Variants in CACNB2 observed in about 807,000 individuals in gnomAD.
The protein encoded by CACNB2 is calcium voltage-gated channel auxiliary subunit beta 2.
Under a neutral mutation model 73.3 loss-of-function variants are expected in CACNB2, and 42 were observed. That is an observed-to-expected ratio of 0.57 (90% CI 0.45 to 0.74). CACNB2 has a LOEUF of 0.74. Ranked by LOEUF, CACNB2 falls within the 30% of genes least tolerant of loss-of-function variation. CACNB2 has a pLI of 0.00. For synonymous variants in CACNB2, 348 were observed against 310.3 expected (o/e 1.12, Z -1.28); for missense variants, 940 against 853.0 (o/e 1.10, Z -1.27).
rs2053977633 is a variant in CACNB2 at position 18,539,932 on chromosome 10, G to A, written c.*208G>A. On this transcript the variant is annotated 3_prime_UTR_variant, in exon 14 of 14. Transcript: ENST00000324631. ...TGTAAGTGCTACATAAATTGGCCTG[G>A]TATGGCTGCAGTCCTCCGGTTGCAT... The A allele has an allele frequency of 3.4e-6, 2 of 583,088 alleles. No individual in the cohort carries two copies. The highest frequency in any genetic ancestry group is 4.8e-4 in the Middle Eastern group (1 of 2,088). 36.1% of individuals were successfully genotyped at this position (583,088 alleles called of 1,614,324 possible). A position where few individuals can be genotyped will look rare whatever the true frequency, so the allele number is the denominator to read the frequency against.
intron 2 of CACNB2, among the ~76,000 whole-genome samples, chr10:18,308,410 C>T (rs959781921): frequency 8.5e-5 from 13 of 152,152 alleles, no homozygotes; most frequent in Non-Finnish European, 2.9e-5. Flanking sequence ...CCGTCATCCA[C>T]GTAATAAGCA....
intron 2 of CACNB2, among the ~76,000 whole-genome samples, chr10:18,191,838 A>G (rs2034412532): frequency 6.6e-6 from 1 of 152,142 alleles, no homozygotes; most frequent in Non-Finnish European, 1.5e-5. Context: ...GCACTCATTG[A>G]TTCATGGACA....
At position 18,542,670 on chromosome 10, in the gene CACNB2, C is replaced by G. The variant is rs553854349; in HGVS notation, c.*2946C>G. The G allele has an allele frequency of 6.6e-6, 1 of 152,068 alleles. No homozygotes were observed. Among genetic ancestry groups the G allele is most frequent in the Non-Finnish European group, 1.5e-5 (1 of 68,022 alleles). The allele number at this position is 152,068 out of a possible 1,614,324, so 9.4% of individuals were successfully genotyped here. On this transcript the variant is annotated 3_prime_UTR_variant, in exon 14 of 14. Coordinates refer to ENST00000324631, the MANE Select transcript of CACNB2 (RefSeq NM_201596.3). ...CTTGAAGGATTTGACATAAGAGCCG[C>G]TATATGTGAAAAACTGTATAGTGGA...
intron 2 of CACNB2, among the ~76,000 whole-genome samples, chr10:18,183,811 C>T (rs966735553): frequency 5.3e-5 from 8 of 152,068 alleles, no homozygotes; most frequent in Non-Finnish European, 7.4e-5. Context: ...CCTAGGAGGC[C>T]GAGTGGTACA....
intron 2 of CACNB2, among the ~76,000 whole-genome samples, chr10:18,291,932 T>C (rs933808842): frequency 6.6e-6 from 1 of 152,240 alleles, no homozygotes; most frequent in Admixed American, 6.5e-5. Flanking sequence ...AGAAATCCTT[T>C]GGCAAAGTCA....
At chr10:18,333,423 T>G (rs574797727) in intron 2 of CACNB2, among the ~76,000 whole-genome samples, 1 of 148,914 alleles carries the variant, frequency 6.7e-6, no homozygotes, top group Admixed American at 6.7e-5. Context: ...AATAGCTCAG[T>G]TGGAAATTTT....
At chr10:18,168,800 C>T (rs1444940401) in intron 2 of CACNB2, among the ~76,000 whole-genome samples, 1 of 152,100 alleles carries the variant, frequency 6.6e-6, no homozygotes, top group East Asian at 1.9e-4. Flanking sequence ...TTTTGAAAAG[C>T]AAATGTATTA....
intron 9 of CACNB2, among the ~76,000 whole-genome samples, chr10:18,524,565 G>A (rs2052261909): frequency 1.3e-5 from 2 of 150,502 alleles, no homozygotes; most frequent in Admixed American, 1.3e-4. Flanking sequence ...TGAGGCAGGA[G>A]AAGCGCCTGA....
chr10:18,175,180 G>A (rs1320666792), intron 2 of CACNB2, among the ~76,000 whole-genome samples: 1 of 152,066 alleles, frequency 6.6e-6, no homozygotes, highest in African/African-American at 2.4e-5. Context: ...AATTATGTTG[G>A]TTACTGTCAA....
chr10:18,349,003 C>G (rs998918515), intron 2 of CACNB2, among the ~76,000 whole-genome samples: 8 of 152,162 alleles, frequency 5.3e-5, no homozygotes, highest in African/African-American at 1.7e-4. Context: ...TGCCTGTGAT[C>G]CCAGCTCCTT....
chr10:18,383,246 G>C (rs1340523689), intron 2 of CACNB2, among the ~76,000 whole-genome samples: 2 of 152,214 alleles, frequency 1.3e-5, no homozygotes, highest in African/African-American at 2.4e-5. Context: ...ACATTATACA[G>C]GTAAGGAGCA....
chr10:18,265,305 G>C (rs752029066), intron 2 of CACNB2, among the ~76,000 whole-genome samples: 3 of 151,878 alleles, frequency 2.0e-5, no homozygotes, highest in Non-Finnish European at 4.4e-5. Flanking sequence ...GCTAATTTTT[G>C]TATTTTTGGT....
At chr10:18,243,375 G>T (rs1371872551) in intron 2 of CACNB2, among the ~76,000 whole-genome samples, 1 of 152,116 alleles carries the variant, frequency 6.6e-6, no homozygotes, top group African/African-American at 2.4e-5. Context: ...TAAGGGTAGG[G>T]TCACCCTGGC....
chr10:18,286,598 C>G (rs906621118), intron 2 of CACNB2, among the ~76,000 whole-genome samples: 1 of 149,606 alleles, frequency 6.7e-6, no homozygotes, highest in African/African-American at 2.5e-5. Flanking sequence ...TCTAACCATC[C>G]GTCATCAATC....
intron 2 of CACNB2, among the ~76,000 whole-genome samples, chr10:18,255,300 G>C (rs901826556): frequency 6.6e-6 from 1 of 152,004 alleles, no homozygotes; most frequent in Non-Finnish European, 1.5e-5. Flanking sequence ...CTACCACGTA[G>C]AGCTTCCCTC....
At chr10:18,273,471 T>C (rs778423318) in intron 2 of CACNB2, among the ~76,000 whole-genome samples, 2 of 152,010 alleles carry the variant, frequency 1.3e-5, no homozygotes, top group Non-Finnish European at 2.9e-5. Flanking sequence ...TATGATACCA[T>C]TTTTAAAAGT....
chr10:18,535,353 G>A (rs959171866), intron 11 of CACNB2, among the ~76,000 whole-genome samples: 15 of 152,196 alleles, frequency 9.9e-5, no homozygotes, highest in East Asian at 1.9e-4. Flanking sequence ...TTTTCTTCAC[G>A]TATTTCAACC....
chr10:18,518,324 C>A lies in CACNB2; in HGVS notation c.805-12C>A. 1 of 1,599,382 alleles carries A rather than the reference C, an allele frequency of 6.3e-7. No individual in the cohort carries two copies. Among genetic ancestry groups the A allele is most frequent in the Admixed American group, 1.7e-5 (1 of 59,984 alleles). ...CCTGTGAAACGTCTAAAAGCCTCTCCTCTCTCTGCAGACAGAGCACACTCC... is the reference window on the plus strand; with the variant it reads ...CCTGTGAAACGTCTAAAAGCCTCTCATCTCTCTGCAGACAGAGCACACTCC... On this transcript the variant is annotated splice_polypyrimidine_tract_variant and intron_variant, in intron 7 of 13. Coordinates refer to ENST00000324631, the MANE Select transcript of CACNB2 (RefSeq NM_201596.3).
intron 2 of CACNB2, among the ~76,000 whole-genome samples, chr10:18,386,162 T>A (rs1310648966): frequency 1.3e-5 from 2 of 152,328 alleles, no homozygotes; most frequent in East Asian, 3.9e-4. Context: ...TGCCCTGTTT[T>A]AACATCAGGA....
Sources: allele counts gnomAD v4.1 joint callset (sites outside exome capture counted in the v4.1 genomes callset), GRCh38; gene constraint gnomAD v4.1.1; transcripts MANE v1.5; gene names NCBI Gene and HGNC (gene_info 2026-07-23, HGNC 2026-07-21).